The following SBF2 variants were observed in gnomAD, a reference collection of about 807,000 sequenced individuals.
SBF2 encodes the protein SET binding factor 2.
A neutral mutation model predicts 225.2 loss-of-function variants in SBF2; 112 were observed. The observed-to-expected ratio is 0.50, with a 90% CI of 0.43 to 0.58. The LOEUF (loss-of-function observed/expected upper bound fraction) is 0.58. SBF2 is among the 20% of genes least tolerant of loss of function. The pLI is 0.00. For synonymous variants in SBF2, 763 were observed against 773.3 expected, an observed-to-expected ratio of 0.99 and a Z score of 0.22; for missense variants, 1,996 against 2,206.2, an observed-to-expected ratio of 0.90 and a Z score of 1.91.
chr11:10,085,884 A>C (rs768232166), intron 2 of SBF2, among the ~76,000 whole-genome samples: 2 of 151,894 alleles, frequency 1.3e-5, no homozygotes, highest in Non-Finnish European at 2.9e-5. Flanking sequence ...TATACTGTAC[A>C]CATGGAAGAC....
intron 2 of SBF2, among the ~76,000 whole-genome samples, chr11:10,058,991 C>T (rs943347031): frequency 2.0e-5 from 3 of 152,144 alleles, no homozygotes; most frequent in Non-Finnish European, 2.9e-5. Context: ...ACCTGCCTTA[C>T]AAGAGATCTT....
intron 17 of SBF2, among the ~76,000 whole-genome samples, chr11:9,866,332 A>G (rs1211347991): frequency 6.6e-6 from 1 of 152,218 alleles, no homozygotes; most frequent in Non-Finnish European, 1.5e-5. Context: ...AAAATATACT[A>G]TAAGGCTATA....
chr11:10,175,060 C>T (rs1381822067), intron 2 of SBF2, among the ~76,000 whole-genome samples: 1 of 151,570 alleles, frequency 6.6e-6, no homozygotes, highest in Admixed American at 6.6e-5. Flanking sequence ...CAAAATCATG[C>T]CAAAATGTAA....
chr11:9,825,147 G>T (rs773838842), intron 28 of SBF2, among the ~76,000 whole-genome samples: 4 of 152,128 alleles, frequency 2.6e-5, no homozygotes, highest in Non-Finnish European at 5.9e-5. Flanking sequence ...TTAAGATGAG[G>T]TCATACTGGA....
chr11:10,074,072 T>C (rs577399213), intron 2 of SBF2, among the ~76,000 whole-genome samples: 9 of 152,230 alleles, frequency 5.9e-5, no homozygotes, highest in Non-Finnish European at 1.0e-4. Flanking sequence ...ATTAATACAA[T>C]ATTTGTAGTT....
intron 6 of SBF2, chr11:10,016,622 G>A (rs1375790632): frequency 6.6e-6 from 1 of 152,302 alleles, no homozygotes; most frequent in East Asian, 1.9e-4. Flanking sequence ...GAGTAGCTGG[G>A]ACTGCAGACA....
At chr11:10,045,578 A>G (rs1220233513) in intron 2 of SBF2, among the ~76,000 whole-genome samples, 1 of 152,198 alleles carries the variant, frequency 6.6e-6, no homozygotes, top group Non-Finnish European at 1.5e-5. Flanking sequence ...GGACTTGGTG[A>G]CCATTGTTTG....
chr11:9,900,846 C>G (rs559194967), intron 16 of SBF2, among the ~76,000 whole-genome samples: 83 of 152,270 alleles, frequency 5.5e-4, no homozygotes, highest in African/African-American at 1.9e-3. Context: ...AAGCGATCCT[C>G]CTGCCTCAGC....
At chr11:10,129,839 TAAACAAAC>T (rs576407665) in intron 2 of SBF2, among the ~76,000 whole-genome samples, 4 of 151,842 alleles carry the variant, frequency 2.6e-5, no homozygotes, top group African/African-American at 7.3e-5. Flanking sequence ...CCCCCATCTC[TAAACAAAC>T]AAACAAACAA....
chr11:9,813,677 C>A (rs1854312250), intron 29 of SBF2, among the ~76,000 whole-genome samples: 3 of 152,146 alleles, frequency 2.0e-5, no homozygotes, highest in African/African-American at 7.2e-5. Context: ...CACGGTGGCT[C>A]ATGACTGTAA....
intron 2 of SBF2, among the ~76,000 whole-genome samples, chr11:10,178,876 T>C (rs1242243791): frequency 6.7e-6 from 1 of 149,086 alleles, no homozygotes; most frequent in Non-Finnish European, 1.5e-5. Flanking sequence ...ATCATGCTGC[T>C]ATAAAGACAC....
At chr11:10,299,888 C>A (rs1163462345) in intron 1 of SBF2, among the ~76,000 whole-genome samples, 1 of 152,212 alleles carries the variant, frequency 6.6e-6, no homozygotes, top group African/African-American at 2.4e-5. Flanking sequence ...GTCTTCAAAC[C>A]TGTCAATAGT....
chr11:10,293,116 C>T (rs1196931930), intron 1 of SBF2, among the ~76,000 whole-genome samples: 1 of 152,146 alleles, frequency 6.6e-6, no homozygotes, highest in Non-Finnish European at 1.5e-5. Context: ...ACTAGAATTG[C>T]CCTAAAATAG....
upstream of SBF2, among the ~76,000 whole-genome samples, chr11:10,296,582 A>G (rs1964551727): frequency 6.6e-6 from 1 of 152,212 alleles, no homozygotes; most frequent in Non-Finnish European, 1.5e-5. Flanking sequence ...GGGTGAGGAC[A>G]CAGCCAAACC....
intron 1 of SBF2, among the ~76,000 whole-genome samples, chr11:10,286,077 C>T (rs1361155425): frequency 6.6e-6 from 1 of 152,116 alleles, no homozygotes; most frequent in Non-Finnish European, 1.5e-5. Context: ...ATCCACCCAC[C>T]TCAGCCTCCC....
At chr11:10,031,407 C>T (rs1411366332) in intron 3 of SBF2, among the ~76,000 whole-genome samples, 2 of 152,162 alleles carry the variant, frequency 1.3e-5, no homozygotes, top group African/African-American at 2.4e-5. Context: ...AAGCTCCAGA[C>T]ATATAACACA....
At chr11:9,955,113 A>C (rs1866077755) in intron 16 of SBF2, among the ~76,000 whole-genome samples, 1 of 152,058 alleles carries the variant, frequency 6.6e-6, no homozygotes, top group Non-Finnish European at 1.5e-5. Context: ...ACTTTTTTCA[A>C]ATTATAAAAG....
chr11:9,903,572 GGAGTGGAAGTTTA>G (rs1861895607), intron 16 of SBF2, among the ~76,000 whole-genome samples: 1 of 152,194 alleles, frequency 6.6e-6, no homozygotes, highest in South Asian at 2.1e-4. Flanking sequence ...TTTCAGAGCA[GGAGTGGAAGTTTA>G]TTTTAAAAAG....
chr11:9,778,903 C>T lies in SBF2; in HGVS notation c.*1515G>A, dbSNP rs1045634. ...AAGCACTGTGTATAGTCTCAAATAGCTGAAGGTACAATGGGCTCCATATTT... is the reference window on the plus strand; with the variant it reads ...AAGCACTGTGTATAGTCTCAAATAGTTGAAGGTACAATGGGCTCCATATTT... On this transcript the variant is annotated 3_prime_UTR_variant, in exon 40 of 40. Transcript: ENST00000256190. The T allele has an allele frequency of 0.33, 50,988 of 152,540 alleles. 9,206 individuals carry two copies. The highest frequency in any genetic ancestry group is 0.4 in the Non-Finnish European group (26,868 of 67,980). The allele number at this position is 152,540 out of a possible 1,614,324, so 9.4% of individuals were successfully genotyped here. A position where few individuals can be genotyped will look rare whatever the true frequency, so the allele number is the denominator to read the frequency against.
Sources: gnomAD v4.1 joint callset for allele counts (sites outside exome capture counted in the v4.1 genomes callset) on GRCh38, gnomAD v4.1.1 for gene constraint, MANE v1.5 for transcripts, NCBI Gene and HGNC (gene_info 2026-07-23, HGNC 2026-07-21) for gene names.